SLC44A5: variants seen among roughly 807,000 people sequenced by gnomAD.
SLC44A5 encodes solute carrier family 44 member 5.
A neutral mutation model predicts 101.8 loss-of-function variants in SLC44A5; 57 were observed. The observed-to-expected ratio is 0.56, with a 90% CI of 0.45 to 0.70. The LOEUF is 0.70. Ranked by LOEUF, SLC44A5 falls within the 30% of genes least tolerant of loss-of-function variation. SLC44A5 has a pLI of 0.00. For missense variants in SLC44A5, 737 were observed against 853.1 expected (o/e 0.86, Z 1.70); for synonymous variants, 281 against 290.9 (o/e 0.97, Z 0.35).
At chr1:75,246,798 G>A (rs922409761) in intron 7 of SLC44A5, among the ~76,000 whole-genome samples, 5 of 151,980 alleles carry the variant, frequency 3.3e-5, no homozygotes, top group Non-Finnish European at 7.4e-5. Flanking sequence ...AATTCTCTAG[G>A]TAGGGAGAAC....
At chr1:75,516,243 G>T (rs1256560817) in intron 2 of SLC44A5, among the ~76,000 whole-genome samples, 1 of 152,288 alleles carries the variant, frequency 6.6e-6, no homozygotes, top group African/African-American at 2.4e-5. Flanking sequence ...GGCCGGGCGC[G>T]GTGGCTCACG....
At chr1:75,503,017 G>A (rs1028457491) in intron 2 of SLC44A5, among the ~76,000 whole-genome samples, 57 of 152,098 alleles carry the variant, frequency 3.7e-4, no homozygotes, top group Admixed American at 5.9e-4. Context: ...AATTAAATAA[G>A]ATAAACATAC....
At chr1:75,274,514 T>C (rs901884759) in intron 6 of SLC44A5, among the ~76,000 whole-genome samples, 3 of 152,142 alleles carry the variant, frequency 2.0e-5, no homozygotes, top group African/African-American at 7.2e-5. Context: ...TACCAAACAT[T>C]GAAGACCTTC....
rs1649542869 is a variant in SLC44A5 at position 75,251,217 on chromosome 1, G to A, written c.338C>T (p.Thr113Ile). Reference sequence around the variant, plus strand: ...AGGCACCTTTTGCCTTACCTGTGTGGTAGGGCACTGTAGGTTTAGCAACAC... The same window carrying A: ...AGGCACCTTTTGCCTTACCTGTGTGATAGGGCACTGTAGGTTTAGCAACAC... ...PSVLLNLQCP[T>I]TQICVSKCPE... Residue 113 changes from threonine (T) to isoleucine (I), a missense_variant, in exon 7 of 24, where the codon ACC (threonine) becomes ATC (isoleucine). Thr to Ile is a moderately conservative substitution (Grantham distance 89, BLOSUM62 -1). This residue lies in a region of SLC44A5 where 665 missense variants were observed against 764.4 expected (regional missense o/e 0.87). Coordinates refer to ENST00000370859, the MANE Select transcript of SLC44A5 (RefSeq NM_001130058.2). 3.7e-6 allele frequency: 6 copies of A among 1,612,272 alleles called. No individual in the cohort carries two copies. Among genetic ancestry groups the A allele is most frequent in the South Asian group, 1.1e-5 (1 of 91,014 alleles).
At chr1:75,632,667 G>C in the SLC44A5 span, among the ~76,000 whole-genome samples, 1 of 152,030 alleles carries the variant, frequency 6.6e-6, no homozygotes, top group Admixed American at 6.6e-5. Context: ...CTATATAATG[G>C]CACTTGTTCA....
chr1:75,211,624 T>C (rs1020457352), intron 22 of SLC44A5, 72 bp from the exon 23 acceptor site: 9 of 1,142,326 alleles, frequency 7.9e-6, no homozygotes, highest in Admixed American at 7.1e-5. Flanking sequence ...CAGCTATAAA[T>C]GAAAGCCATG....
intron 1 of SLC44A5, among the ~76,000 whole-genome samples, chr1:75,586,435 AACCC>A (rs1221686307): frequency 6.8e-6 from 1 of 147,734 alleles, no homozygotes; most frequent in Middle Eastern, 3.3e-3. Flanking sequence ...TTCTCTGGCG[AACCC>A]TAATACAATA....
chr1:75,456,405 G>A (rs1666191440), intron 2 of SLC44A5, among the ~76,000 whole-genome samples: 1 of 152,192 alleles, frequency 6.6e-6, no homozygotes, highest in South Asian at 2.1e-4. Context: ...ATTATGCTCA[G>A]TACCTGGGTG....
At chr1:75,613,861 G>T (rs1675757944), upstream of SLC44A5, among the ~76,000 whole-genome samples, 2 of 152,216 alleles carry the variant, frequency 1.3e-5, no homozygotes, top group Admixed American at 1.3e-4. Context: ...GAAGAATAAA[G>T]GGGAGGTGTC....
intron 2 of SLC44A5, among the ~76,000 whole-genome samples, chr1:75,480,048 T>C (rs1353953727): frequency 6.6e-6 from 1 of 152,192 alleles, no homozygotes; most frequent in Non-Finnish European, 1.5e-5. Context: ...AAAAAGCTTA[T>C]CCACCATGAT....
rs558393115 is a variant in SLC44A5, at chr1:75,554,009, C to T, written c.-69-12493G>A. Among the ~76,000 whole-genome samples, 4 of 152,148 alleles carry T rather than the reference C, an allele frequency of 2.6e-5. No homozygotes were observed. In the East Asian group the frequency reaches 7.7e-4, roughly 29 times the overall value. On this transcript the variant is annotated intron_variant, in intron 1 of 23. Transcript: ENST00000370859. ...CTTTCATAGAAATGGTCACCACAGC[C>T]ACAGCTGGGATAAGAGTTGAGGCCA...
chr1:75,306,733 CTTTTTTTTT>C (rs771955227), intron 4 of SLC44A5, among the ~76,000 whole-genome samples: 7,200 of 102,676 alleles, frequency 0.07, 341 homozygotes, highest in Middle Eastern at 0.21. Flanking sequence ...GGTTTCCTTT[CTTTTTTTTT>C]TTTTTTTTTT....
At chr1:75,690,638 C>A in the SLC44A5 span, among the ~76,000 whole-genome samples, 1 of 152,202 alleles carries the variant, frequency 6.6e-6, no homozygotes, top group African/African-American at 2.4e-5. Flanking sequence ...TGACTAGACT[C>A]AACATAGTGC....
At chr1:75,509,516 A>AT (rs1271482608) in intron 2 of SLC44A5, among the ~76,000 whole-genome samples, 2 of 152,238 alleles carry the variant, frequency 1.3e-5, no homozygotes, top group Non-Finnish European at 2.9e-5. Context: ...TTTGGAGGAC[A>AT]TGAGATACTG....
rs577364067 is a variant in SLC44A5, at chr1:75,562,949, T to C, written c.-69-21433A>G. On this transcript the variant is annotated intron_variant, in intron 1 of 23. Coordinates refer to ENST00000370859, the MANE Select transcript of SLC44A5 (RefSeq NM_001130058.2). ...ACATTTTTACAAAAACACTTGTATATTACACTTCAAAAGTTTTGGTCTGCT... is the reference window on the plus strand; with the variant it reads ...ACATTTTTACAAAAACACTTGTATACTACACTTCAAAAGTTTTGGTCTGCT... Among the ~76,000 whole-genome samples, 36 of 152,312 alleles carry C rather than the reference T, an allele frequency of 2.4e-4. No individual in the cohort carries two copies. The East Asian group carries it at 6.2e-3, about 26-fold the overall frequency.
chr1:75,649,298 A>G, the SLC44A5 span, among the ~76,000 whole-genome samples: 1 of 152,212 alleles, frequency 6.6e-6, no homozygotes, highest in African/African-American at 2.4e-5. Context: ...TGAATAGACC[A>G]GACAAGTTTA....
intron 2 of SLC44A5, among the ~76,000 whole-genome samples, chr1:75,444,413 AAG>A (rs1183252090): frequency 1.1e-4 from 16 of 149,410 alleles, no homozygotes; most frequent in South Asian, 1.1e-3. Context: ...GAGAAAGAGA[AAG>A]AGAGAGAGAG....
intron 4 of SLC44A5, among the ~76,000 whole-genome samples, chr1:75,336,156 T>C (rs752553018): frequency 5.3e-5 from 8 of 152,134 alleles, no homozygotes; most frequent in Non-Finnish European, 8.8e-5. Context: ...TGTATGGTTA[T>C]TATTATTATT....
the SLC44A5 span, among the ~76,000 whole-genome samples, chr1:75,651,590 G>A: frequency 4.0e-5 from 6 of 151,628 alleles, no homozygotes; most frequent in Middle Eastern, 6.8e-3. Flanking sequence ...CCAGCTACTC[G>A]GGAGGCTGAG....
Sources: allele counts gnomAD v4.1 joint callset (sites outside exome capture counted in the v4.1 genomes callset), GRCh38; gene constraint gnomAD v4.1.1; regional missense constraint gnomAD v4.1.1; transcripts MANE v1.5; gene names NCBI Gene and HGNC (gene_info 2026-07-23, HGNC 2026-07-21).